The following AHCY variants were observed in gnomAD, a reference collection of about 807,000 sequenced individuals.
The protein encoded by AHCY is adenosylhomocysteinase.
A neutral mutation model predicts 45.4 loss-of-function variants in AHCY; 24 were observed. That is an observed-to-expected ratio of 0.53 (90% CI 0.38 to 0.74). AHCY has a LOEUF of 0.74. Ranked by LOEUF, AHCY falls within the 30% of genes least tolerant of loss-of-function variation. The probability of loss-of-function intolerance (pLI) is 0.00; values close to 1 mark genes in which losing one functional copy is unlikely to be tolerated. For synonymous variants in AHCY, 245 were observed against 235.1 expected (o/e 1.04, Z -0.39); for missense variants, 449 against 594.1 (o/e 0.76, Z 2.54).
the AHCY span, among the ~76,000 whole-genome samples, chr20:34,242,684 A>G: frequency 1.3e-5 from 2 of 152,260 alleles, no homozygotes; most frequent in Non-Finnish European, 2.9e-5. Context: ...ACTAATGCAT[A>G]CATATTCTTA....
the AHCY span, among the ~76,000 whole-genome samples, chr20:34,252,319 G>A: frequency 2.0e-5 from 3 of 152,158 alleles, no homozygotes; most frequent in African/African-American, 4.8e-5. Flanking sequence ...TTTTAGTGAG[G>A]GGAGTGTAGC....
intron 8 of AHCY, chr20:34,286,217 A>T (rs547186135): frequency 5.8e-6 from 1 of 171,092 alleles, no homozygotes; most frequent in East Asian, 1.6e-4. Context: ...GCACTCAGTA[A>T]GCAGCAGCTA....
the AHCY span, among the ~76,000 whole-genome samples, chr20:34,271,233 C>T: frequency 1.3e-5 from 2 of 152,162 alleles, no homozygotes; most frequent in African/African-American, 2.4e-5. Context: ...TGAGCCACCA[C>T]GCCCCACCTC....
chr20:34,288,676 GA>G (rs376815256), intron 8 of AHCY, among the ~76,000 whole-genome samples: 2 of 146,110 alleles, frequency 1.4e-5, no homozygotes, highest in African/African-American at 2.5e-5. Context: ...CTCAAAAAAA[GA>G]AAAAAAAAAT....
chr20:34,235,940 GGGAA>G, the AHCY span, among the ~76,000 whole-genome samples: 1 of 130,454 alleles, frequency 7.7e-6, no homozygotes, highest in Non-Finnish European at 1.6e-5. Context: ...GCGGGAGGGA[GGGAA>G]GAAGGAAGGA....
rs759839384 is a variant in AHCY, at chr20:34,285,644, G to A, written c.973-10C>T. 9 of 1,612,356 alleles carry A rather than the reference G, an allele frequency of 5.6e-6. No homozygotes were observed. In the Admixed American group the frequency reaches 1.3e-4, roughly 24 times the overall value. ...ACCGATACCGGTCCACCTACACGCA[G>A]GCAGGGCAACAGTGAAGGCAGGCAG... is the stretch of plus-strand genomic sequence containing the variant. On this transcript the variant is annotated splice_polypyrimidine_tract_variant and intron_variant, in intron 8 of 9. Coordinates refer to ENST00000217426, the MANE Select transcript of AHCY (RefSeq NM_000687.4).
At chr20:34,294,732 G>A (rs539912577) in intron 2 of AHCY, among the ~76,000 whole-genome samples, 50 of 152,286 alleles carry the variant, frequency 3.3e-4, no homozygotes, top group Non-Finnish European at 5.4e-4. Context: ...GACCTCCAGG[G>A]AGCGTCAACG....
chr20:34,292,984 G>A (rs2036449829), intron 3 of AHCY, among the ~76,000 whole-genome samples: 7 of 152,184 alleles, frequency 4.6e-5, no homozygotes, highest in Admixed American at 4.6e-4. Flanking sequence ...GCTCTGCACT[G>A]AAAGGACTGG....
the AHCY span, among the ~76,000 whole-genome samples, chr20:34,255,131 T>C: frequency 6.6e-6 from 1 of 152,120 alleles, no homozygotes; most frequent in Non-Finnish European, 1.5e-5. Flanking sequence ...TTATGAAGTG[T>C]TCAGAGCAAG....
chr20:34,284,983 T>C (rs1050595235), intron 9 of AHCY, among the ~76,000 whole-genome samples: 3 of 152,222 alleles, frequency 2.0e-5, no homozygotes, highest in South Asian at 2.1e-4. Context: ...CCTTCAGCTC[T>C]TCCAGTCCTT....
At chr20:34,291,347 G>T in intron 5 of AHCY, 72 bp downstream of exon 5, 2 of 1,375,468 alleles carry the variant, frequency 1.5e-6, no homozygotes, top group Non-Finnish European at 2.1e-6. Context: ...GCCTTCCTGG[G>T]CACTCTTCTT....
chr20:34,281,416 C>T (rs1252876608), intron 9 of AHCY, among the ~76,000 whole-genome samples: 3 of 152,204 alleles, frequency 2.0e-5, no homozygotes, highest in Admixed American at 2.0e-4. Flanking sequence ...ACATCTCCTT[C>T]CTCATTCTTC....
At chr20:34,268,847 G>A in the AHCY span, 9 of 980,700 alleles carry the variant, frequency 9.2e-6, no homozygotes, top group Admixed American at 2.3e-5. Context: ...GAATCTGACT[G>A]GGGGAGCGGG....
chr20:34,261,592 C>T, the AHCY span, among the ~76,000 whole-genome samples: 1 of 152,056 alleles, frequency 6.6e-6, no homozygotes, highest in Non-Finnish European at 1.5e-5. Context: ...CATGATTGTG[C>T]CACTGCACTC....
chr20:34,298,774 A>G (rs1031796701), intron 1 of AHCY, among the ~76,000 whole-genome samples: 1 of 152,132 alleles, frequency 6.6e-6, no homozygotes, highest in Non-Finnish European at 1.5e-5. Context: ...GTCTGCCTTC[A>G]TGTTCCATCC....
At chr20:34,285,694 C>A in intron 8 of AHCY, 60 bp from the exon 9 acceptor site, 1 of 1,590,914 alleles carries the variant, frequency 6.3e-7, no homozygotes, top group Non-Finnish European at 8.5e-7. Flanking sequence ...AGCCCACCCT[C>A]TGATCTGGCA....
chr20:34,236,164 A>AAAAG, the AHCY span, among the ~76,000 whole-genome samples: 2,133 of 151,400 alleles, frequency 0.014, 61 homozygotes, highest in African/African-American at 0.049. Flanking sequence ...GGAGGGAGGG[A>AAAAG]AAAGAAAGAA....
At chr20:34,297,073 TC>T (rs2036598194) in intron 1 of AHCY, among the ~76,000 whole-genome samples, 1 of 151,982 alleles carries the variant, frequency 6.6e-6, no homozygotes, top group Non-Finnish European at 1.5e-5. Context: ...GTTTTCTCCT[TC>T]CAGAGGCCAA....
At chr20:34,267,175 G>C in the AHCY span, among the ~76,000 whole-genome samples, 4 of 152,224 alleles carry the variant, frequency 2.6e-5, no homozygotes, top group Admixed American at 2.0e-4. Context: ...TGGTCTCATG[G>C]AGTTTACATT....
Sources: gnomAD v4.1 joint callset for allele counts (sites outside exome capture counted in the v4.1 genomes callset) on GRCh38, gnomAD v4.1.1 for gene constraint, MANE v1.5 for transcripts, NCBI Gene and HGNC (gene_info 2026-07-23, HGNC 2026-07-21) for gene names.